The following ARL9 variants were observed in gnomAD, a reference collection of about 807,000 sequenced individuals.
ARL9 encodes ADP-ribosylation factor-like protein 9.
Under a neutral mutation model 27.0 loss-of-function variants are expected in ARL9, and 14 were observed. That is an observed-to-expected ratio of 0.52 (90% CI 0.34 to 0.81). ARL9 has a LOEUF of 0.81. ARL9 is among the 30% of genes least tolerant of loss of function. The probability of loss-of-function intolerance (pLI) is 0.01; values close to 1 mark genes in which losing one functional copy is unlikely to be tolerated. For missense variants in ARL9, 294 were observed against 290.0 expected, an observed-to-expected ratio of 1.01 and a Z score of -0.10; for synonymous variants, 106 against 108.7, an observed-to-expected ratio of 0.98 and a Z score of 0.15.
intron 3 of ARL9, 133 bp downstream of exon 3, chr4:56,518,986 TA>T (rs1721844736): frequency 1.2e-6 from 1 of 868,812 alleles, no homozygotes; most frequent in Admixed American, 2.8e-5. Context: ...TCTTGGATTA[TA>T]AACACCTTGA....
chr4:56,505,471 C>A, upstream of ARL9: 1 of 467,008 alleles, frequency 2.1e-6, no homozygotes, highest in South Asian at 1.5e-5. Context: ...TAGACTGCGG[C>A]CCACGTGGAA....
chr4:56,513,760 G>T (rs545028344), intron 2 of ARL9, among the ~76,000 whole-genome samples: 2 of 152,300 alleles, frequency 1.3e-5, no homozygotes, highest in South Asian at 2.1e-4. Flanking sequence ...TAACTAAGAT[G>T]CCTGCATGAC....
Position 56,523,732 on chromosome 4 carries a change from T to C in ARL9, c.654T>C (p.His218=). The change falls in exon 4 of 4, where the codon CAT becomes CAC. Residue 218 remains histidine, a synonymous_variant. Coordinates refer to ENST00000640821, the MANE Select transcript of ARL9 (RefSeq NM_001363794.2). The part of the protein sequence containing the change: ...LEAAYHITDI[H]EALALSEVGN... ...CAGCCTATCACATTACAGATATCCA[T>C]GAAGCTTTGGCATTATCTGAAGTGG... 1.2e-6 allele frequency: 2 copies of C among 1,613,932 alleles called. No individual in the cohort carries two copies. Among genetic ancestry groups the C allele is most frequent in the Non-Finnish European group, 1.7e-6 (2 of 1,179,838 alleles).
chr4:56,523,909 G>A lies in ARL9; in HGVS notation c.*33G>A. On this transcript the variant is annotated 3_prime_UTR_variant, in exon 4 of 4. Coordinates refer to ENST00000640821, the MANE Select transcript of ARL9 (RefSeq NM_001363794.2). ...TCAGCCCACTGTGCGGCTCACGACT[G>A]AGATGTCATCAGTGTTGAATGGCAG... 1.3e-6 allele frequency: 2 copies of A among 1,582,586 alleles called. No individual in the cohort carries two copies. The highest frequency in any genetic ancestry group is 1.7e-6 in the Non-Finnish European group (2 of 1,164,098).
intron 1 of ARL9, among the ~76,000 whole-genome samples, chr4:56,507,161 G>A (rs1033614298): frequency 6.6e-6 from 1 of 152,066 alleles, no homozygotes; most frequent in Non-Finnish European, 1.5e-5. Context: ...AATAACTTTT[G>A]ACAAAAACGG....
rs1171379993 is a variant in ARL9 at position 56,511,164 on chromosome 4, AT to A, written c.280-18del. 3 of 1,532,512 alleles carry A rather than the reference AT, an allele frequency of 2.0e-6. No homozygotes were observed. The highest frequency in any genetic ancestry group is 2.6e-6 in the Non-Finnish European group (3 of 1,139,788). 94.9% of individuals were successfully genotyped at this position (1,532,512 alleles called of 1,614,324 possible). A position where few individuals can be genotyped will look rare whatever the true frequency, so the allele number is the denominator to read the frequency against. On this transcript the variant is annotated intron_variant, in intron 1 of 3. Transcript: ENST00000640821. ...AGCCCCTGATAGCATGGGCTTATTG[AT>A]TTATCTTTTTGTTTCACAGGAGAAA...
Position 56,518,853 on chromosome 4 carries a change from G to A in ARL9, c.618G>A (p.Gln206=), listed in dbSNP as rs919463698. 1.2e-6 allele frequency: 2 copies of A among 1,612,186 alleles called. No homozygotes were observed. Among genetic ancestry groups the A allele is most frequent in the Non-Finnish European group, 1.7e-6 (2 of 1,179,100 alleles). ...CTCTGGTTGTGTTTGCAAACAAACA[G>A]GTAAAAATCTGTGCAAATATAAATT... The part of the protein sequence containing the change: ...VLPLVVFANK[Q]DLEAAYHITD... Residue 206 remains glutamine (Q), a splice_region_variant and synonymous_variant, in exon 3 of 4, where the codon CAG becomes CAA. Transcript: ENST00000640821.
upstream of ARL9, chr4:56,505,549 A>AC (rs564042171): frequency 2.4e-5 from 13 of 550,146 alleles, no homozygotes; most frequent in South Asian, 2.1e-4. Context: ...GCAATGATAT[A>AC]CCCCGCCGAA....
In ARL9 at chr4:56,524,429, A is replaced by G. The variant is rs1420735909; in HGVS notation, c.*553A>G. 6.6e-6 allele frequency: 1 copy of G among 152,356 alleles called. No individual in the cohort carries two copies. The highest frequency in any genetic ancestry group is 1.9e-4 in the East Asian group (1 of 5,204). 9.4% of individuals were successfully genotyped at this position (152,356 alleles called of 1,614,324 possible). The stretch of plus-strand genomic sequence containing the variant: ...TTGGGGGTATTGGGATTTTTAATCA[A>G]CAAAGGTAAAATGAACATTAGCAAG... On this transcript the variant is annotated 3_prime_UTR_variant, in exon 4 of 4. Transcript: ENST00000640821.
chr4:56,506,526 C>A, intron 1 of ARL9: 1 of 703,650 alleles, frequency 1.4e-6, no homozygotes, highest in Non-Finnish European at 1.7e-6. Context: ...CCTCCCCACA[C>A]GCAGGCCCTC....
rs749359572 is a variant in ARL9 at position 56,518,818 on chromosome 4, C to A, written c.583C>A (p.Pro195Thr). 2 of 1,613,914 alleles carry A rather than the reference C, an allele frequency of 1.2e-6. No individual in the cohort carries two copies. The highest frequency in any genetic ancestry group is 1.7e-6 in the Non-Finnish European group (2 of 1,179,864). The part of the protein sequence containing the change: ...KYLHQLIAAN[P>T]VLPLVVFANK... ...CCTTCATCAGCTAATTGCAGCAAAC[C>A]CAGTACTTCCTCTGGTTGTGTTTGC... Residue 195 changes from proline to threonine, a missense_variant, in exon 3 of 4, where the codon CCA (proline) becomes ACA (threonine). Coordinates refer to ENST00000640821, the MANE Select transcript of ARL9 (RefSeq NM_001363794.2).
At chr4:56,515,848 A>G (rs1295997110) in intron 2 of ARL9, among the ~76,000 whole-genome samples, 1 of 152,212 alleles carries the variant, frequency 6.6e-6, no homozygotes, top group Non-Finnish European at 1.5e-5. Context: ...GGTAGACATT[A>G]TATCAAAAGA....
In ARL9 at chr4:56,511,468, T is replaced by C. The variant is rs897094838; in HGVS notation, c.442+121T>C. On this transcript the variant is annotated intron_variant, in intron 2 of 3. Coordinates refer to ENST00000640821, the MANE Select transcript of ARL9 (RefSeq NM_001363794.2). Reference sequence around the variant, plus strand: ...CACTGAATCAAATTTTCCTAGACTTTTAGAATGGATGTGTAGTTTAATACC... The same window carrying C: ...CACTGAATCAAATTTTCCTAGACTTCTAGAATGGATGTGTAGTTTAATACC... 1.7e-5 allele frequency: 19 copies of C among 1,118,206 alleles called. No individual in the cohort carries two copies. The African/African-American group carries it at 3.0e-4, about 18-fold the overall frequency. 69.3% of individuals were successfully genotyped at this position (1,118,206 alleles called of 1,614,324 possible). A position where few individuals can be genotyped will look rare whatever the true frequency, so the allele number is the denominator to read the frequency against.
chr4:56,515,947 G>A (rs1721755797), intron 2 of ARL9, among the ~76,000 whole-genome samples: 1 of 152,148 alleles, frequency 6.6e-6, no homozygotes, highest in Non-Finnish European at 1.5e-5. Context: ...GACAAGCTGA[G>A]GCTAAAATTT....
chr4:56,507,552 C>T (rs1394123950), intron 1 of ARL9, among the ~76,000 whole-genome samples: 3 of 151,484 alleles, frequency 2.0e-5, no homozygotes, highest in African/African-American at 7.3e-5. Context: ...TGAGCTCAAG[C>T]GATCCACCCG....
intron 1 of ARL9, 44 bp from the exon 2 acceptor site, chr4:56,511,141 C>A (rs1044412215): frequency 6.8e-7 from 1 of 1,468,780 alleles, no homozygotes; most frequent in South Asian, 1.3e-5. Context: ...GAAAAATGAG[C>A]CCCTGATAGC....
At chr4:56,513,042 C>T (rs917511284) in intron 2 of ARL9, among the ~76,000 whole-genome samples, 3 of 152,238 alleles carry the variant, frequency 2.0e-5, no homozygotes, top group Non-Finnish European at 4.4e-5. Context: ...TAAGTGCCAA[C>T]TGTGTTCCCG....
rs534989111 is a variant in ARL9 at position 56,523,828 on chromosome 4, G to T, written c.750G>T (p.Met250Ile). Residue 250 changes from methionine to isoleucine, a missense_variant, in exon 4 of 4, where the codon ATG (methionine) becomes ATT (isoleucine). Physicochemically the swap from Met to Ile is conservative, Grantham distance 10. Coordinates refer to ENST00000640821, the MANE Select transcript of ARL9 (RefSeq NM_001363794.2). ...ATGGCTCAGAGATACCCTCCACCATGCAAGATGCCAAAGACTTGATTGCAC... is the reference window on the plus strand; with the variant it reads ...ATGGCTCAGAGATACCCTCCACCATTCAAGATGCCAAAGACTTGATTGCAC... ...TKNGSEIPST[M>I]QDAKDLIAQL... 1.1e-5 allele frequency: 17 copies of T among 1,613,898 alleles called. No homozygotes were observed. The highest frequency in any genetic ancestry group is 1.4e-5 in the Non-Finnish European group (17 of 1,179,898).
intron 2 of ARL9, among the ~76,000 whole-genome samples, chr4:56,513,130 C>G (rs1377387446): frequency 2.0e-5 from 3 of 152,354 alleles, no homozygotes; most frequent in Non-Finnish European, 4.4e-5. Context: ...AAATGTGTAT[C>G]TGCACAGTGG....
Sources: allele counts gnomAD v4.1 joint callset (sites outside exome capture counted in the v4.1 genomes callset), GRCh38; gene constraint gnomAD v4.1.1; transcripts MANE v1.5; gene names NCBI Gene and HGNC (gene_info 2026-07-23, HGNC 2026-07-21).